The following PDE4D variants were observed in gnomAD, a reference collection of about 807,000 sequenced individuals.
PDE4D encodes 3',5'-cyclic-AMP phosphodiesterase 4D.
PDE4D carries 24 observed loss-of-function variants against 87.4 expected under a neutral mutation model. The ratio of observed to expected loss-of-function variants is 0.27; its 90% CI spans 0.20 to 0.39. The LOEUF is 0.39. PDE4D is among the 10% of genes least tolerant of loss of function. The probability of loss-of-function intolerance (pLI) is 1.00; values close to 1 mark genes in which losing one functional copy is unlikely to be tolerated. For missense variants in PDE4D, 714 were observed against 1,041.0 expected, an observed-to-expected ratio of 0.69 and a Z score of 4.32; for synonymous variants, 384 against 383.2, an observed-to-expected ratio of 1.00 and a Z score of -0.02.
rs182441996 is a variant in PDE4D, at chr5:60,302,810, T to C, written c.-89-117123A>G. Among the ~76,000 whole-genome samples, 129 of 151,582 alleles carry C rather than the reference T, an allele frequency of 8.5e-4. 1 individual carries two copies. Among genetic ancestry groups the C allele is most frequent in the Middle Eastern group, 3.4e-3 (1 of 294 alleles). ...TTTTTGATGTGGGAATTTAGTGCTA[T>C]AAATTTTGGTTTTTTGTTTTGTTTT... On this transcript the variant is annotated intron_variant, in intron 1 of 16. Transcript: ENST00000502484.
At chr5:59,792,806 C>G (rs896315685) in intron 1 of PDE4D, among the ~76,000 whole-genome samples, 6 of 152,030 alleles carry the variant, frequency 3.9e-5, no homozygotes, top group Admixed American at 2.6e-4. Context: ...AGATATGGCT[C>G]TGGCTTAGGG....
chr5:59,990,296 T>C (rs901726893), intron 2 of PDE4D, among the ~76,000 whole-genome samples: 3 of 152,182 alleles, frequency 2.0e-5, no homozygotes, highest in Non-Finnish European at 4.4e-5. Flanking sequence ...GCAAAGAGTT[T>C]GCACTCAACA....
intron 1 of PDE4D, among the ~76,000 whole-genome samples, chr5:59,322,721 C>T (rs1774932735): frequency 1.3e-5 from 2 of 152,090 alleles, no homozygotes; most frequent in Non-Finnish European, 2.9e-5. Context: ...ACAAATGATA[C>T]TGCTTTATAA....
chr5:60,294,361 T>C (rs1753191819), intron 1 of PDE4D, among the ~76,000 whole-genome samples: 1 of 152,226 alleles, frequency 6.6e-6, no homozygotes, highest in Admixed American at 6.5e-5. Flanking sequence ...TTTACAAATA[T>C]TTTTGTCCTG....
chr5:60,048,156 A>T (rs944676071), intron 2 of PDE4D, among the ~76,000 whole-genome samples: 1 of 151,562 alleles, frequency 6.6e-6, no homozygotes, highest in African/African-American at 2.4e-5. Context: ...TGTTGGTTTA[A>T]AGTCTGTTTT....
chr5:59,998,667 A>C (rs1030319751), intron 2 of PDE4D, among the ~76,000 whole-genome samples: 6 of 151,854 alleles, frequency 4.0e-5, no homozygotes, highest in Admixed American at 3.3e-4. Flanking sequence ...TTTTTGGAGG[A>C]ATTAGGCCAT....
At chr5:59,839,913 T>A (rs1432888124) in intron 1 of PDE4D, among the ~76,000 whole-genome samples, 1 of 152,028 alleles carries the variant, frequency 6.6e-6, no homozygotes, top group Non-Finnish European at 1.5e-5. Flanking sequence ...AAGTGTTAAG[T>A]TTTGTCCAGA....
At chr5:59,248,582 G>A (rs967837847) in intron 1 of PDE4D, among the ~76,000 whole-genome samples, 8 of 152,142 alleles carry the variant, frequency 5.3e-5, no homozygotes, top group African/African-American at 1.7e-4. Context: ...CAATAAAAAG[G>A]TTTAGAAGGC....
intron 1 of PDE4D, among the ~76,000 whole-genome samples, chr5:59,786,498 C>A (rs1765188087): frequency 1.3e-5 from 2 of 152,198 alleles, no homozygotes; most frequent in Admixed American, 1.3e-4. Context: ...GCTGTAAAAC[C>A]TCAGCTTCCT....
At chr5:60,388,948 T>C (rs971550778) in intron 1 of PDE4D, among the ~76,000 whole-genome samples, 16 of 152,244 alleles carry the variant, frequency 1.1e-4, no homozygotes, top group African/African-American at 3.6e-4. Context: ...TTATGGCTTT[T>C]CTAAGCATAT....
At chr5:59,000,593 G>C (rs555510814) in intron 6 of PDE4D, among the ~76,000 whole-genome samples, 1 of 152,246 alleles carries the variant, frequency 6.6e-6, no homozygotes, top group South Asian at 2.1e-4. Context: ...TGCAATTCTG[G>C]GGGGAGGGAA....
intron 5 of PDE4D, among the ~76,000 whole-genome samples, chr5:59,133,093 A>G (rs1776511066): frequency 6.6e-6 from 1 of 152,174 alleles, no homozygotes; most frequent in Admixed American, 6.5e-5. Context: ...CTGTAAATAT[A>G]CAATATATAT....
At chr5:60,503,290 T>C (rs932587491) in intron 1 of PDE4D, among the ~76,000 whole-genome samples, 8 of 152,090 alleles carry the variant, frequency 5.3e-5, no homozygotes, top group Admixed American at 5.2e-4. Context: ...CTATAGAATA[T>C]CCTAGAGTAT....
At chr5:60,261,456 T>C (rs962735391) in intron 1 of PDE4D, among the ~76,000 whole-genome samples, 2 of 152,184 alleles carry the variant, frequency 1.3e-5, no homozygotes, top group African/African-American at 2.4e-5. Context: ...GGAATTTCAA[T>C]ATGTAATTAA....
intron 1 of PDE4D, among the ~76,000 whole-genome samples, chr5:60,290,570 G>A (rs546639283): frequency 2.6e-5 from 4 of 152,234 alleles, no homozygotes; most frequent in African/African-American, 7.2e-5. Context: ...TTAGGAGGCC[G>A]AGGTGGGCAG....
chr5:60,196,172 G>A (rs1741197484), intron 1 of PDE4D, among the ~76,000 whole-genome samples: 1 of 151,532 alleles, frequency 6.6e-6, no homozygotes, highest in Non-Finnish European at 1.5e-5. Context: ...ACTCCCAAGG[G>A]TATGGAAATG....
intron 5 of PDE4D, chr5:59,166,365 T>C (rs1442663809): frequency 7.9e-5 from 12 of 152,208 alleles, no homozygotes; most frequent in Non-Finnish European, 1.5e-5. Flanking sequence ...TGGTCTTAGA[T>C]ACATTGGCCT....
chr5:59,625,048 G>T (rs1183349468), intron 1 of PDE4D, among the ~76,000 whole-genome samples: 1 of 152,148 alleles, frequency 6.6e-6, no homozygotes, highest in East Asian at 1.9e-4. Flanking sequence ...ATGGAAAAAG[G>T]AATTTTTGTA....
rs1466291800 is a variant in PDE4D, at chr5:60,045,544, G to T, written c.43-56827C>A. 2.6e-5 allele frequency among the ~76,000 whole-genome samples: 4 copies of T among 152,168 alleles called. 1 individual carries two copies. The highest frequency in any genetic ancestry group is 2.9e-5 in the Non-Finnish European group (2 of 68,004). On this transcript the variant is annotated intron_variant, in intron 2 of 16. Coordinates refer to the PDE4D transcript ENST00000502484. ...CATCTTGAATTGATTTTTGTATAAG[G>T]TGTAAGGAAGGGATCCAGTTTCAGC...
Sources: allele counts gnomAD v4.1 joint callset (sites outside exome capture counted in the v4.1 genomes callset), GRCh38; gene constraint gnomAD v4.1.1; transcripts MANE v1.5; gene names NCBI Gene and HGNC (gene_info 2026-07-23, HGNC 2026-07-21).